Variants in DLG2 observed in about 807,000 individuals in gnomAD.
DLG2 encodes disks large homolog 2.
Under a neutral mutation model 132.5 loss-of-function variants are expected in DLG2, and 45 were observed. That is an observed-to-expected ratio of 0.34 (90% CI 0.27 to 0.44). The LOEUF (loss-of-function observed/expected upper bound fraction) is 0.44. Ranked by LOEUF, DLG2 falls within the 20% of genes least tolerant of loss-of-function variation. DLG2 has a pLI of 1.00. For synonymous variants in DLG2, 424 were observed against 419.6 expected (o/e 1.01, Z -0.13); for missense variants, 1,045 against 1,196.9 (o/e 0.87, Z 1.87).
chr11:84,856,812 C>T (rs2082846039), intron 6 of DLG2, among the ~76,000 whole-genome samples: 1 of 151,980 alleles, frequency 6.6e-6, no homozygotes, highest in African/African-American at 2.4e-5. Flanking sequence ...CCTCTTTCTG[C>T]CTCTTCTCTA....
chr11:84,813,964 G>A (rs1305819486), intron 6 of DLG2, among the ~76,000 whole-genome samples: 1 of 152,018 alleles, frequency 6.6e-6, no homozygotes. Flanking sequence ...GTAACAGAAA[G>A]GAAAAGAAAA....
chr11:83,955,275 G>A (rs745496340), intron 14 of DLG2, among the ~76,000 whole-genome samples: 3 of 152,082 alleles, frequency 2.0e-5, no homozygotes, highest in African/African-American at 4.8e-5. Flanking sequence ...GCTAGGAAAT[G>A]GTGTGATTCA....
intron 6 of DLG2, among the ~76,000 whole-genome samples, chr11:84,907,162 C>A (rs183997738): frequency 2.0e-5 from 3 of 152,158 alleles, no homozygotes; most frequent in Non-Finnish European, 4.4e-5. Flanking sequence ...CCTACTCAAT[C>A]CGCCCCTGAC....
intron 4 of DLG2, among the ~76,000 whole-genome samples, chr11:85,265,058 C>A (rs995854321): frequency 6.6e-6 from 1 of 152,186 alleles, no homozygotes; most frequent in African/African-American, 2.4e-5. Context: ...GCAAATGTTA[C>A]TCCTTCAGCT....
At chr11:83,765,064 C>A (rs1375238834) in intron 18 of DLG2, among the ~76,000 whole-genome samples, 1 of 152,190 alleles carries the variant, frequency 6.6e-6, no homozygotes, top group Non-Finnish European at 1.5e-5. Context: ...AAAATGACAT[C>A]TCCCCTGTAC....
At chr11:84,531,127 GA>G (rs1003727754) in intron 7 of DLG2, among the ~76,000 whole-genome samples, 9 of 151,448 alleles carry the variant, frequency 5.9e-5, no homozygotes, top group Non-Finnish European at 1.2e-4. Context: ...AAAAAGAAAA[GA>G]AAAAAAAGAA....
At chr11:83,620,667 G>A (rs1447120786) in intron 19 of DLG2, among the ~76,000 whole-genome samples, 2 of 151,548 alleles carry the variant, frequency 1.3e-5, no homozygotes, top group Non-Finnish European at 2.9e-5. Context: ...TCAGGAGATC[G>A]AGACCATCCC....
At chr11:85,425,436 T>C (rs1331304205) in intron 3 of DLG2, among the ~76,000 whole-genome samples, 2 of 152,088 alleles carry the variant, frequency 1.3e-5, no homozygotes, top group Admixed American at 1.3e-4. Flanking sequence ...ATATTGTAAA[T>C]AGTAAATATT....
chr11:84,049,035 T>C (rs2096296785), intron 11 of DLG2, among the ~76,000 whole-genome samples: 1 of 151,598 alleles, frequency 6.6e-6, no homozygotes, highest in Non-Finnish European at 1.5e-5. Context: ...ATGACTAATG[T>C]CAGGAAATTT....
rs1555086383 is a variant in DLG2, at chr11:85,377,803, A to ATGTG, written c.41-92442_41-92439dup. On this transcript the variant is annotated intron_variant, in intron 3 of 27. Transcript: ENST00000376104. The stretch of plus-strand genomic sequence containing the variant: ...TGTATACATATATATATATATATAT[A>ATGTG]TGTGTGTGTGTGTGTGTGTGTATAC... 9.6e-3 allele frequency among the ~76,000 whole-genome samples: 1,264 copies of ATGTG among 131,292 alleles called. 24 individuals carry two copies. Among genetic ancestry groups the ATGTG allele is most frequent in the African/African-American group, 0.031 (1,101 of 35,596 alleles). The allele number at this position is 131,292 out of a possible 152,430, so 86.1% of individuals were successfully genotyped here.
intron 15 of DLG2, among the ~76,000 whole-genome samples, chr11:83,924,344 A>T (rs557013036): frequency 4.6e-5 from 7 of 152,286 alleles, no homozygotes; most frequent in African/African-American, 1.4e-4. Flanking sequence ...TTAGTATTCA[A>T]TTTGGAACAC....
intron 3 of DLG2, among the ~76,000 whole-genome samples, chr11:85,298,970 T>C (rs1406738526): frequency 1.3e-5 from 2 of 152,130 alleles, no homozygotes; most frequent in African/African-American, 4.8e-5. Context: ...TAAAAATTAT[T>C]TCTAAAAAAC....
At chr11:85,576,699 G>C (rs988158196) in intron 3 of DLG2, among the ~76,000 whole-genome samples, 2 of 152,140 alleles carry the variant, frequency 1.3e-5, no homozygotes, top group African/African-American at 4.8e-5. Flanking sequence ...AGGATTAAAA[G>C]AGTGAACAAG....
intron 9 of DLG2, among the ~76,000 whole-genome samples, chr11:84,129,310 G>A (rs1272325547): frequency 6.6e-6 from 1 of 152,046 alleles, no homozygotes; most frequent in African/African-American, 2.4e-5. Context: ...ATGGCAGCAG[G>A]AAGAAGTTTG....
intron 4 of DLG2, among the ~76,000 whole-genome samples, chr11:85,212,249 C>A (rs1244661494): frequency 6.6e-6 from 1 of 152,062 alleles, no homozygotes; most frequent in Non-Finnish European, 1.5e-5. Context: ...CAGATGTTGA[C>A]ACCCCGAATC....
intron 7 of DLG2, among the ~76,000 whole-genome samples, chr11:84,464,648 T>C (rs536043197): frequency 6.7e-4 from 101 of 151,298 alleles, no homozygotes; most frequent in African/African-American, 1.1e-3. Flanking sequence ...CTGATCATAG[T>C]TCTTAGCACA....
intron 19 of DLG2, among the ~76,000 whole-genome samples, chr11:83,598,670 A>G (rs1404169164): frequency 6.6e-6 from 1 of 152,214 alleles, no homozygotes; most frequent in Non-Finnish European, 1.5e-5. Flanking sequence ...CTTCATATAC[A>G]CTAAAGCTCA....
At chr11:84,056,302 C>G (rs370834688) in intron 11 of DLG2, among the ~76,000 whole-genome samples, 1 of 152,034 alleles carries the variant, frequency 6.6e-6, no homozygotes, top group Non-Finnish European at 1.5e-5. Context: ...TCAACTCCCA[C>G]GACTGAGACC....
At chr11:83,564,102 G>GCT (rs1555196642) in intron 19 of DLG2, among the ~76,000 whole-genome samples, 2 of 146,382 alleles carry the variant, frequency 1.4e-5, no homozygotes, top group Non-Finnish European at 3.0e-5. Flanking sequence ...TTTTTCATGT[G>GCT]TTTTTTTTTT....
Sources: gnomAD v4.1 joint callset for allele counts (sites outside exome capture counted in the v4.1 genomes callset) on GRCh38, gnomAD v4.1.1 for gene constraint, MANE v1.5 for transcripts, NCBI Gene and HGNC (gene_info 2026-07-23, HGNC 2026-07-21) for gene names.